The following MACROD2 variants were observed in gnomAD, a reference collection of about 807,000 sequenced individuals.
MACROD2 encodes the protein mono-ADP ribosylhydrolase 2, also known as ADP-ribose glycohydrolase MACROD2.
Under a neutral mutation model 70.4 loss-of-function variants are expected in MACROD2, and 36 were observed. The observed-to-expected ratio is 0.51, with a 90% CI of 0.39 to 0.68. The LOEUF is 0.68. Ranked by LOEUF, MACROD2 falls within the 30% of genes least tolerant of loss-of-function variation. The probability of loss-of-function intolerance (pLI) is 0.00; values close to 1 mark genes in which losing one functional copy is unlikely to be tolerated. For missense variants in MACROD2, 496 were observed against 538.4 expected (o/e 0.92, Z 0.78); for synonymous variants, 172 against 178.8 (o/e 0.96, Z 0.30).
intron 3 of MACROD2, among the ~76,000 whole-genome samples, chr20:14,159,572 T>G (rs2055153985): frequency 6.6e-6 from 1 of 152,240 alleles, no homozygotes; most frequent in African/African-American, 2.4e-5. Context: ...ATGTTGATTT[T>G]GTATCCTGTA....
chr20:15,581,172 G>A (rs780294824), intron 8 of MACROD2, among the ~76,000 whole-genome samples: 10 of 152,248 alleles, frequency 6.6e-5, no homozygotes, highest in Non-Finnish European at 1.2e-4. Context: ...AGACCTTGAG[G>A]CTTCTTTTTC....
chr20:14,409,228 CA>C (rs1285990922), intron 3 of MACROD2, among the ~76,000 whole-genome samples: 1 of 139,894 alleles, frequency 7.1e-6, no homozygotes, highest in East Asian at 2.3e-4. Context: ...GTTTATAGAA[CA>C]GAAATGCTGG....
At chr20:15,252,928 G>A (rs149097217) in intron 6 of MACROD2, among the ~76,000 whole-genome samples, 2 of 152,158 alleles carry the variant, frequency 1.3e-5, no homozygotes, top group Admixed American at 6.5e-5. Flanking sequence ...CAGCATATTC[G>A]CCCCTTGACT....
chr20:15,673,085 T>C (rs1649230787), intron 8 of MACROD2, among the ~76,000 whole-genome samples: 1 of 152,152 alleles, frequency 6.6e-6, no homozygotes, highest in African/African-American at 2.4e-5. Flanking sequence ...TACCCAGTCT[T>C]GTGTATGTCT....
intron 2 of MACROD2, among the ~76,000 whole-genome samples, chr20:14,081,001 A>AGCAAACTTT (rs2053986616): frequency 6.6e-6 from 1 of 152,232 alleles, no homozygotes. Context: ...TGTCTTCTTA[A>AGCAAACTTT]GCAAACTTTA....
At position 15,948,382 on chromosome 20, in the gene MACROD2, C is replaced by CAAAAAAAAAAAAAAAAAAAAAAA. The variant is rs71192307; in HGVS notation, c.907+10846_907+10868dup. Among the ~76,000 whole-genome samples the CAAAAAAAAAAAAAAAAAAAAAAA allele has an allele frequency of 1.9e-3, 80 of 43,134 alleles. 1 individual carries two copies. Among genetic ancestry groups the CAAAAAAAAAAAAAAAAAAAAAAA allele is most frequent in the Non-Finnish European group, 2.6e-3 (55 of 21,346 alleles). The allele number at this position is 43,134 out of a possible 152,430, so 28.3% of individuals were successfully genotyped here. On this transcript the variant is annotated intron_variant, in intron 12 of 17. Coordinates refer to ENST00000684519, the MANE Select transcript of MACROD2 (RefSeq NM_001351661.2). ...TTCACTCTATTAAATCTTGCAACTG[C>CAAAAAAAAAAAAAAAAAAAAAAA]AAAAAAAAAAAAAAAAAAAAAAAAA...
intron 3 of MACROD2, among the ~76,000 whole-genome samples, chr20:14,342,275 C>T (rs1032032076): frequency 6.6e-6 from 1 of 152,188 alleles, no homozygotes; most frequent in East Asian, 1.9e-4. Flanking sequence ...AGCTCATTTT[C>T]AGAGGTTTTA....
At chr20:15,881,484 T>G (rs1307043175) in intron 9 of MACROD2, among the ~76,000 whole-genome samples, 1 of 152,008 alleles carries the variant, frequency 6.6e-6, no homozygotes, top group Non-Finnish European at 1.5e-5. Flanking sequence ...GAGGCAAAGG[T>G]CCCAGTGGAG....
chr20:15,410,371 C>T (rs1211270307), intron 6 of MACROD2, among the ~76,000 whole-genome samples: 1 of 152,142 alleles, frequency 6.6e-6, no homozygotes, highest in East Asian at 1.9e-4. Context: ...AAAAACCAAT[C>T]ATGTCTTTTG....
intron 5 of MACROD2, among the ~76,000 whole-genome samples, chr20:14,870,607 TA>T (rs565651155): frequency 6.6e-5 from 10 of 151,774 alleles, no homozygotes; most frequent in African/African-American, 1.5e-4. Flanking sequence ...CAGGACCTAT[TA>T]TTTTTTTTTT....
intron 8 of MACROD2, among the ~76,000 whole-genome samples, chr20:15,577,977 A>T (rs2048471981): frequency 6.6e-6 from 1 of 152,242 alleles, no homozygotes; most frequent in Non-Finnish European, 1.5e-5. Context: ...TGAAGCAATG[A>T]GCAACACAGA....
chr20:14,427,217 C>A (rs983356844), intron 3 of MACROD2, among the ~76,000 whole-genome samples: 1 of 151,870 alleles, frequency 6.6e-6, no homozygotes, highest in African/African-American at 2.4e-5. Flanking sequence ...TCATGCCTCC[C>A]AGTCTGGTTT....
At position 15,037,407 on chromosome 20, in the gene MACROD2, A is replaced by G. The variant is rs548357903; in HGVS notation, c.419-192533A>G. ...TAATACAGGTTGAGAATTAAAAACA[A>G]GTTTTCTCATTTGGCATGTTTAAGT... On this transcript the variant is annotated intron_variant, in intron 5 of 17. Coordinates refer to ENST00000684519, the MANE Select transcript of MACROD2 (RefSeq NM_001351661.2). 1.6e-4 allele frequency among the ~76,000 whole-genome samples: 25 copies of G among 152,326 alleles called. No homozygotes were observed. In the South Asian group the frequency reaches 4.6e-3, roughly 28 times the overall value.
At chr20:14,626,744 T>C (rs112780186) in intron 4 of MACROD2, among the ~76,000 whole-genome samples, 5 of 152,068 alleles carry the variant, frequency 3.3e-5, no homozygotes, top group African/African-American at 1.2e-4. Flanking sequence ...TGTCGCACAA[T>C]GGGAGAAAGG....
intron 6 of MACROD2, among the ~76,000 whole-genome samples, chr20:15,231,432 T>C (rs1468710128): frequency 1.3e-5 from 2 of 152,038 alleles, no homozygotes; most frequent in African/African-American, 4.8e-5. Context: ...ATATGGCTTA[T>C]TGATTTAAAA....
intron 3 of MACROD2, among the ~76,000 whole-genome samples, chr20:14,429,734 A>G (rs1020389911): frequency 6.6e-5 from 10 of 152,216 alleles, no homozygotes; most frequent in Admixed American, 2.6e-4. Context: ...TGCAGTTTCC[A>G]CAGGGGAATG....
chr20:14,280,935 A>G (rs931066904), intron 3 of MACROD2, among the ~76,000 whole-genome samples: 12 of 152,210 alleles, frequency 7.9e-5, no homozygotes, highest in Admixed American at 2.0e-4. Context: ...ATATAGCAGC[A>G]GTTTCCAAGT....
intron 5 of MACROD2, among the ~76,000 whole-genome samples, chr20:15,091,815 TTTGCTTTGTGTTCAAC>T (rs2075795068): frequency 6.6e-6 from 1 of 152,208 alleles, no homozygotes. Flanking sequence ...TGACACTGTA[TTTGCTTTGTGTTCAAC>T]TTTATCTGGC....
At chr20:15,805,049 A>G (rs373432699) in intron 8 of MACROD2, among the ~76,000 whole-genome samples, 7 of 152,102 alleles carry the variant, frequency 4.6e-5, no homozygotes, top group African/African-American at 1.2e-4. Flanking sequence ...TCCCTTCTCT[A>G]TCTCACTTTT....
Sources: gnomAD v4.1 joint callset for allele counts (sites outside exome capture counted in the v4.1 genomes callset) on GRCh38, gnomAD v4.1.1 for gene constraint, MANE v1.5 for transcripts, NCBI Gene and HGNC (gene_info 2026-07-23, HGNC 2026-07-21) for gene names.